PCDH7: variants seen among roughly 807,000 people sequenced by gnomAD.
The protein encoded by PCDH7 is protocadherin-7.
In PCDH7, 17 loss-of-function variants were observed where a neutral mutation model predicts 58.9. The ratio of observed to expected loss-of-function variants is 0.29; its 90% CI spans 0.20 to 0.43. The LOEUF (loss-of-function observed/expected upper bound fraction) is 0.43. Among genes scored for constraint, PCDH7 ranks in the 20% least tolerant of loss-of-function variants. The pLI, the probability that PCDH7 is intolerant of heterozygous loss-of-function variation, is 1.00. For synonymous variants in PCDH7, 664 were observed against 616.4 expected (o/e 1.08, Z -1.14); for missense variants, 1,274 against 1,441.0 (o/e 0.88, Z 1.88).
rs1317581203 is a variant in PCDH7 at position 30,781,557 on chromosome 4, A to G, written c.70+56961A>G. Among the ~76,000 whole-genome samples, 10 of 144,910 alleles carry G rather than the reference A, an allele frequency of 6.9e-5. No individual in the cohort carries two copies. The East Asian group carries it at 1.8e-3, about 26-fold the overall frequency. On this transcript the variant is annotated intron_variant, in intron 1 of 3. Coordinates refer to the PCDH7 transcript ENST00000509759. ...TCTCTATTTTTTTTTTTTTTTTGAG[A>G]CGAAGTTTCCCTCTTGTTGCCCAGG...
At position 31,119,571 on chromosome 4, in the gene PCDH7, G is replaced by A. The variant is rs536646500; in HGVS notation, c.*8-22902G>A. Among the ~76,000 whole-genome samples the A allele has an allele frequency of 1.7e-3, 263 of 152,190 alleles. 1 individual carries two copies. The highest frequency in any genetic ancestry group is 6.3e-3 in the African/African-American group (260 of 41,534). Reference sequence around the variant, plus strand: ...AAAAAGCTTTAGAGCAGGAACGAAAGGAAGAAAAGTATACTTGAAAGAGAC... The same window carrying A: ...AAAAAGCTTTAGAGCAGGAACGAAAAGAAGAAAAGTATACTTGAAAGAGAC... On this transcript the variant is annotated intron_variant, in intron 3 of 3. Coordinates refer to the PCDH7 transcript ENST00000509759.
chr4:31,003,474 T>C (rs1752519083), intron 3 of PCDH7, among the ~76,000 whole-genome samples: 1 of 152,068 alleles, frequency 6.6e-6, no homozygotes. Flanking sequence ...GAACCAGAAA[T>C]GTTTCCGATT....
intron 3 of PCDH7, among the ~76,000 whole-genome samples, chr4:31,114,720 G>A (rs1716784783): frequency 6.6e-6 from 1 of 151,464 alleles, no homozygotes; most frequent in Admixed American, 6.6e-5. Flanking sequence ...AAAGTGGCAG[G>A]GATAGAGGAG....
chr4:31,051,042 G>A (rs963155690), intron 3 of PCDH7, among the ~76,000 whole-genome samples: 7 of 152,080 alleles, frequency 4.6e-5, no homozygotes, highest in African/African-American at 1.7e-4. Context: ...CTATTTAACT[G>A]ACTAATTTAA....
exon 4 of PCDH7, chr4:31,142,501 G>C (rs1052806357): frequency 2.2e-6 from 3 of 1,367,584 alleles, no homozygotes; most frequent in Admixed American, 3.8e-5. Flanking sequence ...ATGTAGCCCT[G>C]ACTGGGAAGT....
intron 3 of PCDH7, among the ~76,000 whole-genome samples, chr4:31,000,647 AT>A (rs1184266602): frequency 1.3e-5 from 2 of 151,908 alleles, no homozygotes; most frequent in Non-Finnish European, 2.9e-5. Flanking sequence ...CTTCTCTCTT[AT>A]TTTTTCCCTC....
At chr4:30,776,021 T>G (rs1420134634) in intron 1 of PCDH7, among the ~76,000 whole-genome samples, 1 of 152,232 alleles carries the variant, frequency 6.6e-6, no homozygotes, top group East Asian at 1.9e-4. Context: ...TTATAATAGC[T>G]GCTATAGACA....
chr4:30,915,331 G>C (rs1742306899), intron 1 of PCDH7, among the ~76,000 whole-genome samples: 1 of 151,974 alleles, frequency 6.6e-6, no homozygotes, highest in Admixed American at 6.6e-5. Context: ...ACCTACAATT[G>C]TTCCCCAGAG....
At chr4:30,899,094 G>C (rs1297666251) in intron 1 of PCDH7, among the ~76,000 whole-genome samples, 1 of 152,092 alleles carries the variant, frequency 6.6e-6, no homozygotes, top group Non-Finnish European at 1.5e-5. Context: ...TTTGGTGTGT[G>C]TGTTTATAGG....
intron 3 of PCDH7, among the ~76,000 whole-genome samples, chr4:31,071,938 G>A (rs183015268): frequency 9.9e-5 from 15 of 152,134 alleles, no homozygotes; most frequent in Non-Finnish European, 1.3e-4. Context: ...ATATTAGCTC[G>A]TATAAATAAC....
intron 1 of PCDH7, among the ~76,000 whole-genome samples, chr4:30,870,626 C>T (rs1735458452): frequency 6.6e-6 from 1 of 152,082 alleles, no homozygotes; most frequent in Non-Finnish European, 1.5e-5. Flanking sequence ...AAAGACTGCT[C>T]TCTAGATGTG....
At chr4:30,824,097 TTCTTTCTTTCTTTCTTTCTTTCTTTC>T (rs1221851679) in intron 1 of PCDH7, among the ~76,000 whole-genome samples, 9 of 112,932 alleles carry the variant, frequency 8.0e-5, no homozygotes, top group African/African-American at 2.4e-4. Flanking sequence ...CTTTCTTTCT[TTCTTTCTTTCTTTCTTTCTTTCTTTC>T]TTTCTTTCTT....
intron 1 of PCDH7, among the ~76,000 whole-genome samples, chr4:30,857,898 AT>A (rs1227416374): frequency 6.6e-6 from 1 of 152,172 alleles, no homozygotes; most frequent in Non-Finnish European, 1.5e-5. Context: ...CACATAAACA[AT>A]GCAGTTCATT....
At chr4:30,863,618 A>G (rs1734493359) in intron 1 of PCDH7, among the ~76,000 whole-genome samples, 1 of 152,088 alleles carries the variant, frequency 6.6e-6, no homozygotes, top group Non-Finnish European at 1.5e-5. Context: ...AAGCTGTTCC[A>G]TAAATATGGA....
intron 3 of PCDH7, among the ~76,000 whole-genome samples, chr4:30,981,227 G>A (rs1460145059): frequency 2.0e-5 from 3 of 152,254 alleles, no homozygotes; most frequent in Middle Eastern, 3.4e-3. Flanking sequence ...CCATTCCTCT[G>A]TTTCCTTGTT....
At chr4:30,848,309 A>G (rs1039351839) in intron 1 of PCDH7, among the ~76,000 whole-genome samples, 1 of 152,132 alleles carries the variant, frequency 6.6e-6, no homozygotes, top group Non-Finnish European at 1.5e-5. Flanking sequence ...ACAATTAGGT[A>G]ATTCAGTAGG....
rs189414561 is a variant in PCDH7 at position 31,074,249 on chromosome 4, A to G, written c.*8-68224A>G. On this transcript the variant is annotated intron_variant, in intron 3 of 3. Transcript: ENST00000509759. ...TCCTTCTATCTCACATCCCCACCAC[A>G]TAAACATACTAGATTGCAAAATAGG... 2.2e-3 allele frequency among the ~76,000 whole-genome samples: 336 copies of G among 151,406 alleles called. 6 individuals carry two copies. Among genetic ancestry groups the G allele is most frequent in the Non-Finnish European group, 1.1e-3 (78 of 67,928 alleles).
At chr4:31,010,393 C>G (rs1441601944) in intron 3 of PCDH7, among the ~76,000 whole-genome samples, 1 of 151,856 alleles carries the variant, frequency 6.6e-6, no homozygotes, top group Admixed American at 6.6e-5. Flanking sequence ...TTGCCTTTCC[C>G]TCCTTAGCTT....
intron 3 of PCDH7, among the ~76,000 whole-genome samples, chr4:31,053,977 T>G (rs936421870): frequency 6.6e-6 from 1 of 152,182 alleles, no homozygotes; most frequent in African/African-American, 2.4e-5. Flanking sequence ...TGTTGTTTTT[T>G]GAGACATGGT....
Sources: gnomAD v4.1 joint callset for allele counts (sites outside exome capture counted in the v4.1 genomes callset) on GRCh38, gnomAD v4.1.1 for gene constraint, MANE v1.5 for transcripts, NCBI Gene and HGNC (gene_info 2026-07-23, HGNC 2026-07-21) for gene names.